ANO2: variants seen among roughly 807,000 people sequenced by gnomAD.
ANO2 encodes the protein anoctamin 2, also known as anoctamin-2.
A neutral mutation model predicts 124.2 loss-of-function variants in ANO2; 101 were observed. That is an observed-to-expected ratio of 0.81 (90% CI 0.69 to 0.96). ANO2 has a LOEUF of 0.96. Among genes scored for constraint, ANO2 ranks in the 40% least tolerant of loss-of-function variants. The probability of loss-of-function intolerance (pLI) is 0.00; values close to 1 mark genes in which losing one functional copy is unlikely to be tolerated. For synonymous variants in ANO2, 486 were observed against 482.5 expected (o/e 1.01, Z -0.09); for missense variants, 1,293 against 1,274.5 (o/e 1.01, Z -0.22).
chr12:5,768,944 G>A lies in ANO2; in HGVS notation c.1056-17974C>T, dbSNP rs1469042173. On this transcript the variant is annotated intron_variant, in intron 10 of 24. Transcript: ENST00000682330. ...ACAAGAAAAGGCCTCTTGCTAAAAAGCACATTTTGCTGCTATGGAGCTAGT... is the reference window on the plus strand; with the variant it reads ...ACAAGAAAAGGCCTCTTGCTAAAAAACACATTTTGCTGCTATGGAGCTAGT... Among the ~76,000 whole-genome samples, 3 of 152,162 alleles carry A rather than the reference G, an allele frequency of 2.0e-5. No homozygotes were observed. The South Asian group carries it at 6.2e-4, about 32-fold the overall frequency.
chr12:5,754,879 T>C (rs368732517), intron 10 of ANO2, among the ~76,000 whole-genome samples: 60 of 152,198 alleles, frequency 3.9e-4, no homozygotes, highest in Middle Eastern at 3.4e-3. Flanking sequence ...CAATTTTTTG[T>C]TTTTCTGTTT....
intron 14 of ANO2, among the ~76,000 whole-genome samples, chr12:5,722,296 G>C (rs1331900904): frequency 1.3e-5 from 2 of 152,180 alleles, no homozygotes; most frequent in African/African-American, 4.8e-5. Context: ...CACGAGGTCA[G>C]GAGATTGAGA....
At chr12:5,704,697 A>ATGTGTGTGTGTGTG (rs3067798) in intron 14 of ANO2, among the ~76,000 whole-genome samples, 6 of 148,664 alleles carry the variant, frequency 4.0e-5, no homozygotes, top group African/African-American at 1.5e-4. Context: ...TGGTGTGTGT[A>ATGTGTGTGTGTGTG]TGTGTGTGTG....
At chr12:5,808,258 C>T (rs915168459) in intron 7 of ANO2, among the ~76,000 whole-genome samples, 1 of 152,210 alleles carries the variant, frequency 6.6e-6, no homozygotes, top group Non-Finnish European at 1.5e-5. Context: ...ATAGCAGACC[C>T]TACTAAACAA....
chr12:5,604,537 A>G (rs1485349079), intron 19 of ANO2, among the ~76,000 whole-genome samples: 1 of 152,170 alleles, frequency 6.6e-6, no homozygotes, highest in Admixed American at 6.5e-5. Flanking sequence ...TTCAAAGGAC[A>G]AAGAAGGAGA....
chr12:5,836,674 C>A (rs1242473995), intron 4 of ANO2: 2 of 153,988 alleles, frequency 1.3e-5, no homozygotes, highest in African/African-American at 4.8e-5. Context: ...CACCCAGACA[C>A]TGGCTGAGCT....
chr12:5,709,327 C>T (rs752038211), intron 14 of ANO2, among the ~76,000 whole-genome samples: 6 of 152,318 alleles, frequency 3.9e-5, no homozygotes, highest in Non-Finnish European at 7.3e-5. Flanking sequence ...CTGTTAGGAG[C>T]GGCCATTGCC....
intron 7 of ANO2, among the ~76,000 whole-genome samples, chr12:5,809,561 T>A (rs1290872475): frequency 6.6e-6 from 1 of 152,176 alleles, no homozygotes; most frequent in Non-Finnish European, 1.5e-5. Flanking sequence ...CTTTGCACGG[T>A]AGCCGAGTGT....
chr12:5,768,782 G>A (rs1037709627), intron 10 of ANO2, among the ~76,000 whole-genome samples: 2 of 152,174 alleles, frequency 1.3e-5, no homozygotes, highest in Non-Finnish European at 2.9e-5. Context: ...GACCCTGGCT[G>A]TCTGCCCCTG....
chr12:5,589,309 G>T (rs963379052), intron 20 of ANO2, among the ~76,000 whole-genome samples: 10 of 152,144 alleles, frequency 6.6e-5, no homozygotes, highest in Non-Finnish European at 1.5e-4. Flanking sequence ...GGATGGGGGA[G>T]GGGAGGAGGC....
chr12:5,732,702 C>A, intron 13 of ANO2, 72 bp from the exon 14 acceptor site: 1 of 1,536,396 alleles, frequency 6.5e-7, no homozygotes, highest in South Asian at 1.1e-5. Flanking sequence ...TATAACCAGA[C>A]ACATGTACAT....
Position 5,825,673 on chromosome 12 carries a change from C to T in ANO2, c.892+2096G>A, listed in dbSNP as rs556366123. 4.6e-5 allele frequency among the ~76,000 whole-genome samples: 7 copies of T among 152,234 alleles called. No individual in the cohort carries two copies. The South Asian group carries it at 1.5e-3, about 32-fold the overall frequency. ...TACAGTGTTGGCTGGGGTGATTGAC[C>T]CAGACCATCAAGATGAAATCAGTCT... is the stretch of plus-strand genomic sequence containing the variant. On this transcript the variant is annotated intron_variant, in intron 7 of 24. Coordinates refer to ENST00000682330, the MANE Select transcript of ANO2 (RefSeq NM_001364791.2).
chr12:5,903,468 A>T (rs1940456311), intron 3 of ANO2, among the ~76,000 whole-genome samples: 1 of 152,218 alleles, frequency 6.6e-6, no homozygotes, highest in African/African-American at 2.4e-5. Context: ...AACTGAAGTG[A>T]TGTGAAGTAT....
At chr12:5,762,824 G>C (rs1458289890) in intron 10 of ANO2, among the ~76,000 whole-genome samples, 1 of 142,344 alleles carries the variant, frequency 7.0e-6, no homozygotes, top group Non-Finnish European at 1.5e-5. Context: ...GTATTGATAA[G>C]AGATAGCGAA....
intron 3 of ANO2, among the ~76,000 whole-genome samples, chr12:5,893,529 T>A (rs1299890516): frequency 6.6e-6 from 1 of 151,608 alleles, no homozygotes; most frequent in African/African-American, 2.4e-5. Context: ...CTGGGATACA[T>A]GTGCAGAACG....
chr12:5,637,735 C>A (rs569156921), intron 15 of ANO2, among the ~76,000 whole-genome samples: 1 of 152,290 alleles, frequency 6.6e-6, no homozygotes, highest in East Asian at 1.9e-4. Flanking sequence ...TAGCCCCACC[C>A]CTGGCACACC....
In ANO2 at chr12:5,712,822, C is replaced by T. The variant is rs114183587; in HGVS notation, c.1545+19698G>A. On this transcript the variant is annotated intron_variant, in intron 14 of 24. Coordinates refer to ENST00000682330, the MANE Select transcript of ANO2 (RefSeq NM_001364791.2). ...AGAGGCTTTTGCATGTGCACAGCCA[C>T]CAACGCATGACACACCAAGAGACGC... Among the ~76,000 whole-genome samples the T allele has an allele frequency of 6.7e-3, 1,026 of 152,164 alleles. 10 individuals are homozygous for T. Among genetic ancestry groups the T allele is most frequent in the African/African-American group, 0.024 (998 of 41,484 alleles).
chr12:5,785,754 A>G (rs1414762273), intron 10 of ANO2, among the ~76,000 whole-genome samples: 2 of 152,126 alleles, frequency 1.3e-5, no homozygotes, highest in Admixed American at 6.5e-5. Context: ...CATTTGGAGC[A>G]GCAGTCCCCA....
At chr12:5,572,681 G>T (rs143175742) in intron 23 of ANO2, among the ~76,000 whole-genome samples, 1 of 152,268 alleles carries the variant, frequency 6.6e-6, no homozygotes, top group East Asian at 1.9e-4. Context: ...TAATGAATCT[G>T]TAATCCTCAC....
Sources: gnomAD v4.1 joint callset for allele counts (sites outside exome capture counted in the v4.1 genomes callset) on GRCh38, gnomAD v4.1.1 for gene constraint, MANE v1.5 for transcripts, NCBI Gene and HGNC (gene_info 2026-07-23, HGNC 2026-07-21) for gene names.